Variants in PDGFRB observed in about 807,000 individuals in gnomAD.
PDGFRB encodes the protein platelet derived growth factor receptor beta.
PDGFRB carries 42 observed loss-of-function variants against 120.2 expected under a neutral mutation model. The observed-to-expected ratio is 0.35, with a 90% CI of 0.27 to 0.45. The LOEUF (loss-of-function observed/expected upper bound fraction) is 0.45. Ranked by LOEUF, PDGFRB falls within the 20% of genes least tolerant of loss-of-function variation. The pLI is 1.00. For missense variants in PDGFRB, 1,149 were observed against 1,476.3 expected, an observed-to-expected ratio of 0.78 and a Z score of 3.63; for synonymous variants, 586 against 606.8, an observed-to-expected ratio of 0.97 and a Z score of 0.50.
intron 1 of PDGFRB, among the ~76,000 whole-genome samples, chr5:150,138,631 C>G (rs1760700768): frequency 2.0e-5 from 3 of 152,184 alleles, no homozygotes; most frequent in Admixed American, 2.0e-4. Flanking sequence ...GCTCCTGACT[C>G]AAAGCCCAGC....
rs571984388 is a variant in PDGFRB at position 150,132,591 on chromosome 5, G to A, written c.1127+159C>T. ...CCACTAGACTAGAAACTCTAGGAGGGATGAACTGTCAGCTCTGGTCGCTGC... is the reference window on the plus strand; with the variant it reads ...CCACTAGACTAGAAACTCTAGGAGGAATGAACTGTCAGCTCTGGTCGCTGC... On this transcript the variant is annotated intron_variant, in intron 7 of 22. Coordinates refer to ENST00000261799, the MANE Select transcript of PDGFRB (RefSeq NM_002609.4). This position sits in a 1 kb window ranked among gnomAD's most constrained non-coding sequence, Gnocchi z 5.0. 3.3e-5 allele frequency among the ~76,000 whole-genome samples: 5 copies of A among 152,390 alleles called. No homozygotes were observed. Among genetic ancestry groups the A allele is most frequent in the Admixed American group, 3.3e-4 (5 of 15,314 alleles).
chr5:150,146,300 C>A (rs1403057050), intron 1 of PDGFRB, among the ~76,000 whole-genome samples: 1 of 152,228 alleles, frequency 6.6e-6, no homozygotes, highest in East Asian at 1.9e-4. Context: ...TCTGATCCCC[C>A]CCAATCTGGA....
At chr5:150,124,989 T>C (rs1760256170) in intron 12 of PDGFRB, among the ~76,000 whole-genome samples, 158 bp from the exon 13 acceptor site, 1 of 150,496 alleles carries the variant, frequency 6.6e-6, no homozygotes, top group South Asian at 2.2e-4. Flanking sequence ...AGACATTACT[T>C]AAACCACCTT....
chr5:150,139,835 C>G (rs999258722), intron 1 of PDGFRB, among the ~76,000 whole-genome samples: 1 of 152,112 alleles, frequency 6.6e-6, no homozygotes, highest in African/African-American at 2.4e-5. Flanking sequence ...CAAAAATTAG[C>G]TGGACATGGT....
Position 150,121,288 on chromosome 5 carries a change from G to A in PDGFRB, c.2379C>T (p.Asn793=), listed in dbSNP as rs747124912. The A allele has an allele frequency of 1.4e-5, 23 of 1,600,320 alleles. No individual in the cohort carries two copies. Among genetic ancestry groups the A allele is most frequent in the East Asian group, 1.1e-4 (5 of 44,816 alleles). Residue 793 remains asparagine (N), a synonymous_variant, in exon 17 of 23, where the codon AAC becomes AAT. Transcript: ENST00000261799. This position sits in a 1 kb window ranked among gnomAD's most constrained non-coding sequence, Gnocchi z 4.1. ...PERTCRATLI[N]ESPVLSYMDL... is the part of the protein sequence containing the mutation. Reference sequence around the variant, plus strand: ...CCATGTAGCTTAGCACTGGAGACTCGTTGATCAAAGTTGCTCGGCAGGTCC... The same window carrying A: ...CCATGTAGCTTAGCACTGGAGACTCATTGATCAAAGTTGCTCGGCAGGTCC...
chr5:150,118,420 G>A (rs1293060545), intron 21 of PDGFRB, among the ~76,000 whole-genome samples: 1 of 152,106 alleles, frequency 6.6e-6, no homozygotes, highest in Non-Finnish European at 1.5e-5. Context: ...ATGTAACCTG[G>A]GGTTATTCAC....
At chr5:150,130,976 T>C (rs1760450001) in intron 8 of PDGFRB, among the ~76,000 whole-genome samples, 1 of 152,214 alleles carries the variant, frequency 6.6e-6, no homozygotes, top group African/African-American at 2.4e-5. Flanking sequence ...CAGCATTTAA[T>C]AGCATTGTTT....
intron 21 of PDGFRB, 23 bp from the exon 22 acceptor site, chr5:150,117,873 CA>C: frequency 7.0e-7 from 1 of 1,422,248 alleles, no homozygotes; most frequent in Non-Finnish European, 9.8e-7. Flanking sequence ...CAGGGAGAAC[CA>C]AAGAAACAGG....
intron 22 of PDGFRB, among the ~76,000 whole-genome samples, chr5:150,117,401 T>C (rs752728869): frequency 1.9e-4 from 29 of 152,314 alleles, no homozygotes; most frequent in Non-Finnish European, 3.7e-4. Flanking sequence ...GCCCATACTT[T>C]TGTTTTTACT....
chr5:150,125,498 A>G lies in PDGFRB; in HGVS notation c.1754T>C (p.Met585Thr), dbSNP rs1258478109. 1.2e-6 allele frequency: 2 copies of G among 1,613,544 alleles called. No individual in the cohort carries two copies. The highest frequency in any genetic ancestry group is 2.2e-5 in the East Asian group (1 of 44,876). ...CCACGTGGAGTCATAGGGCAGCTGC[A>G]TGGGGTCCACGTAGATGTACTCATG... ...DGHEYIYVDPMQLPYDSTWEL... is the reference protein window; with the variant it reads ...DGHEYIYVDPTQLPYDSTWEL... Residue 585 changes from methionine to threonine, a missense_variant, in exon 12 of 23, where the codon ATG becomes ACG. This residue lies in a region of PDGFRB where 879 missense variants were observed against 1,108.6 expected (regional missense o/e 0.79). Coordinates refer to ENST00000261799, the MANE Select transcript of PDGFRB (RefSeq NM_002609.4).
At chr5:150,141,277 A>T (rs1008332363) in intron 1 of PDGFRB, among the ~76,000 whole-genome samples, 2 of 152,262 alleles carry the variant, frequency 1.3e-5, no homozygotes, top group African/African-American at 4.8e-5. Context: ...TGCACAGAAC[A>T]TGTGCACATA....
chr5:150,141,933 A>C (rs1430420398), intron 1 of PDGFRB, among the ~76,000 whole-genome samples: 1 of 152,010 alleles, frequency 6.6e-6, no homozygotes, highest in Non-Finnish European at 1.5e-5. Flanking sequence ...GGCCGGGTAG[A>C]AACAGCAGTG....
Position 150,155,717 on chromosome 5 carries a change from GGC to G in PDGFRB, c.-329_-328del. ...GTCTGCGTTGGGCAGGGCGAGCACA[GGC>G]TGCTGCTGGGCAGCAGGGCTGAGGG... is the stretch of plus-strand genomic sequence containing the variant. On this transcript the variant is annotated 5_prime_UTR_variant, in exon 1 of 23. Transcript: ENST00000261799. 1 of 398,602 alleles carries G rather than the reference GGC, an allele frequency of 2.5e-6. No individual in the cohort carries two copies. Among genetic ancestry groups the G allele is most frequent in the South Asian group, 1.3e-4 (1 of 7,856 alleles). 24.7% of individuals were successfully genotyped at this position (398,602 alleles called of 1,614,324 possible).
intron 12 of PDGFRB, 29 bp downstream of exon 12, chr5:150,125,416 A>G: frequency 6.3e-7 from 1 of 1,592,904 alleles, no homozygotes; most frequent in Non-Finnish European, 8.6e-7. Flanking sequence ...GAGTCCCCAC[A>G]CTGCCACATG....
chr5:150,147,316 G>A (rs1760950748), intron 1 of PDGFRB, among the ~76,000 whole-genome samples: 1 of 152,198 alleles, frequency 6.6e-6, no homozygotes, highest in South Asian at 2.1e-4. Flanking sequence ...GGAGTGCCAG[G>A]CCCTTGGCAG....
intron 1 of PDGFRB, among the ~76,000 whole-genome samples, chr5:150,143,450 C>T (rs1054529909): frequency 3.9e-5 from 6 of 151,936 alleles, no homozygotes; most frequent in Admixed American, 3.9e-4. Context: ...ATGCTGGGCT[C>T]GGGGTGGGGG....
chr5:150,117,537 C>CGT (rs1554107242), intron 22 of PDGFRB, 81 bp downstream of exon 22: 35 of 590,052 alleles, frequency 5.9e-5, no homozygotes, highest in East Asian at 1.1e-4. Flanking sequence ...AGCGCGCGCG[C>CGT]GCGCGCGCAC....
intron 1 of PDGFRB, among the ~76,000 whole-genome samples, chr5:150,149,425 T>A (rs1038801410): frequency 6.6e-6 from 1 of 152,108 alleles, no homozygotes; most frequent in African/African-American, 2.4e-5. Context: ...CATGGGGCCC[T>A]CAGGAGGATG....
In PDGFRB at chr5:150,134,732, G is replaced by A. The variant is rs763206291; in HGVS notation, c.631+18C>T. Reference sequence around the variant, plus strand: ...TATACTTGCCTCTGCTGAGCATCAGGCCAGAAAGGGGGCTCACCCTGGAGT... The same window carrying A: ...TATACTTGCCTCTGCTGAGCATCAGACCAGAAAGGGGGCTCACCCTGGAGT... On this transcript the variant is annotated intron_variant, in intron 4 of 22. Transcript: ENST00000261799. The A allele has an allele frequency of 3.8e-6, 6 of 1,597,834 alleles. No homozygotes were observed. In the East Asian group the frequency reaches 6.7e-5, roughly 18 times the overall value.
Sources: allele counts gnomAD v4.1 joint callset (sites outside exome capture counted in the v4.1 genomes callset), GRCh38; gene constraint gnomAD v4.1.1; regional missense constraint gnomAD v4.1.1; non-coding constraint Gnocchi (gnomAD v3.1); transcripts MANE v1.5; gene names NCBI Gene and HGNC (gene_info 2026-07-23, HGNC 2026-07-21).